Variants in PCDH15 observed in about 807,000 individuals in gnomAD.
PCDH15 encodes the protein protocadherin related 15.
In PCDH15, 129 loss-of-function variants were observed where a neutral mutation model predicts 178.5. That is an observed-to-expected ratio of 0.72 (90% CI 0.63 to 0.84). PCDH15 has a LOEUF of 0.84. Ranked by LOEUF, PCDH15 falls within the 40% of genes least tolerant of loss-of-function variation. The pLI is 0.00. For synonymous variants in PCDH15, 800 were observed against 732.0 expected, an observed-to-expected ratio of 1.09 and a Z score of -1.50; for missense variants, 2,230 against 2,099.9, an observed-to-expected ratio of 1.06 and a Z score of -1.21.
chr10:55,422,140 A>C (rs186240805), intron 2 of PCDH15, among the ~76,000 whole-genome samples: 17 of 151,904 alleles, frequency 1.1e-4, no homozygotes, highest in African/African-American at 3.9e-4. Flanking sequence ...CCCACAGCCC[A>C]TAACAACCAC....
intron 28 of PCDH15, among the ~76,000 whole-genome samples, chr10:53,851,728 A>G (rs2078389714): frequency 1.5e-5 from 2 of 136,466 alleles, no homozygotes; most frequent in Admixed American, 7.5e-5. Flanking sequence ...ATATATTTAC[A>G]CACACACATA....
chr10:54,703,015 A>AAAGCTC (rs1196005930), intron 1 of PCDH15, among the ~76,000 whole-genome samples: 3 of 152,124 alleles, frequency 2.0e-5, no homozygotes, highest in Non-Finnish European at 4.4e-5. Flanking sequence ...CAGCATTCTA[A>AAAGCTC]AAGCTCATTC....
chr10:54,601,358 A>T (rs2092520052), intron 2 of PCDH15, among the ~76,000 whole-genome samples: 1 of 152,044 alleles, frequency 6.6e-6, no homozygotes, highest in African/African-American at 2.4e-5. Flanking sequence ...GCCCCACTAA[A>T]AAGGGTGAAA....
At chr10:53,827,263 C>A in intron 32 of PCDH15, 130 bp downstream of exon 32, 1 of 1,283,438 alleles carries the variant, frequency 7.8e-7, no homozygotes, top group Non-Finnish European at 1.0e-6. Context: ...AACAAATTTT[C>A]TCTTGAAAAT....
intron 3 of PCDH15, among the ~76,000 whole-genome samples, chr10:54,443,505 CT>C (rs1329760921): frequency 4.0e-5 from 6 of 151,334 alleles, no homozygotes; most frequent in Admixed American, 2.0e-4. Flanking sequence ...AAAAAAAAAT[CT>C]GTATAAAATA....
intron 25 of PCDH15, among the ~76,000 whole-genome samples, chr10:53,911,254 A>T (rs2083066749): frequency 6.6e-6 from 1 of 152,214 alleles, no homozygotes; most frequent in Non-Finnish European, 1.5e-5. Context: ...ATCACAAGAA[A>T]CTGTCTCTCA....
At chr10:54,726,432 GT>G (rs768565417) in intron 1 of PCDH15, among the ~76,000 whole-genome samples, 103,575 of 150,056 alleles carry the variant, frequency 0.69, 36,415 homozygotes, top group Non-Finnish European at 0.77. Flanking sequence ...GTGTGTGTGT[GT>G]GTGTGTGTGT....
intron 2 of PCDH15, among the ~76,000 whole-genome samples, chr10:55,408,668 T>C (rs1293348102): frequency 1.3e-5 from 2 of 152,102 alleles, no homozygotes; most frequent in Non-Finnish European, 2.9e-5. Context: ...GTACATATGC[T>C]CTAAGAATGG....
At chr10:55,220,727 G>A (rs1782209392) in intron 1 of PCDH15, among the ~76,000 whole-genome samples, 1 of 151,970 alleles carries the variant, frequency 6.6e-6, no homozygotes, top group Non-Finnish European at 1.5e-5. Context: ...TACACAATCT[G>A]TTGTTGACAG....
intron 1 of PCDH15, among the ~76,000 whole-genome samples, chr10:55,317,174 T>C (rs982187080): frequency 2.6e-5 from 4 of 152,132 alleles, no homozygotes; most frequent in Non-Finnish European, 5.9e-5. Flanking sequence ...ATCTTTAAAG[T>C]AGAAACATTT....
intron 32 of PCDH15, among the ~76,000 whole-genome samples, chr10:53,820,714 T>A (rs1449192524): frequency 1.3e-5 from 2 of 151,952 alleles, no homozygotes; most frequent in Non-Finnish European, 2.9e-5. Flanking sequence ...TATACTAATA[T>A]TGAAAGTATA....
At chr10:54,233,383 T>C (rs537828222) in intron 9 of PCDH15, among the ~76,000 whole-genome samples, 2 of 152,368 alleles carry the variant, frequency 1.3e-5, no homozygotes, top group Middle Eastern at 6.8e-3. Flanking sequence ...TCTGATTTTA[T>C]TTCTTCCATG....
chr10:55,486,135 T>A (rs186226478), intron 2 of PCDH15, among the ~76,000 whole-genome samples: 1 of 151,824 alleles, frequency 6.6e-6, no homozygotes, highest in African/African-American at 2.4e-5. Flanking sequence ...TTGTATTCTT[T>A]CACTGTAATA....
chr10:54,833,461 A>G (rs1312789193), intron 3 of PCDH15, among the ~76,000 whole-genome samples: 1 of 152,176 alleles, frequency 6.6e-6, no homozygotes, highest in Non-Finnish European at 1.5e-5. Context: ...AAGAACAAAG[A>G]CTAAGGTTAC....
chr10:53,820,151 A>G lies in PCDH15; in HGVS notation c.4433+14T>C. The G allele has an allele frequency of 2.5e-6, 1 of 397,816 alleles. No individual in the cohort carries two copies. The highest frequency in any genetic ancestry group is 2.1e-5 in the African/African-American group (1 of 48,724). The allele number at this position is 397,816 out of a possible 1,614,324, so 24.6% of individuals were successfully genotyped here. A position where few individuals can be genotyped will look rare whatever the true frequency, so the allele number is the denominator to read the frequency against. On this transcript the variant is annotated intron_variant, in intron 33 of 37. Coordinates refer to ENST00000644397, the MANE Select transcript of PCDH15 (RefSeq NM_001384140.1). ...AGACACACTCACATTAAAGGCTTAC[A>G]CAATTGTGAATACCTTGTCAGAGTC... is the stretch of plus-strand genomic sequence containing the variant.
chr10:54,066,050 T>G (rs2135802764), intron 18 of PCDH15, among the ~76,000 whole-genome samples: 1 of 152,290 alleles, frequency 6.6e-6, no homozygotes. Flanking sequence ...ACCAAGATTC[T>G]TTCCTCCCCT....
At chr10:54,200,530 T>G (rs912625103) in intron 10 of PCDH15, among the ~76,000 whole-genome samples, 1 of 152,240 alleles carries the variant, frequency 6.6e-6, no homozygotes, top group East Asian at 1.9e-4. Flanking sequence ...CACCTTCATC[T>G]GTATTCACCC....
intron 1 of PCDH15, among the ~76,000 whole-genome samples, chr10:54,778,010 T>G (rs186693696): frequency 1.8e-4 from 28 of 152,370 alleles, no homozygotes; most frequent in African/African-American, 6.7e-4. Flanking sequence ...ATTATGTGCA[T>G]ACTGTGTGCA....
intron 2 of PCDH15, among the ~76,000 whole-genome samples, chr10:55,447,707 AAT>A (rs1285299377): frequency 3.3e-5 from 5 of 152,088 alleles, no homozygotes; most frequent in Admixed American, 6.6e-5. Context: ...AATTTTTTAA[AAT>A]AGTCATTAAA....
Sources: gnomAD v4.1 joint callset for allele counts (sites outside exome capture counted in the v4.1 genomes callset) on GRCh38, gnomAD v4.1.1 for gene constraint, MANE v1.5 for transcripts, NCBI Gene and HGNC (gene_info 2026-07-23, HGNC 2026-07-21) for gene names.